Variants in SERF2 observed in about 807,000 individuals in gnomAD.
The protein encoded by SERF2 is gastric cancer-related protein VRG107.
SERF2 carries 4 observed loss-of-function variants against 10.7 expected under a neutral mutation model. The ratio of observed to expected loss-of-function variants is 0.37; its 90% CI spans 0.18 to 0.86. SERF2 has a LOEUF of 0.86. Ranked by LOEUF, SERF2 falls within the 40% of genes least tolerant of loss-of-function variation. The pLI is 0.43. For synonymous variants in SERF2, 26 were observed against 26.0 expected, an observed-to-expected ratio of 1.00 and a Z score of 0.01; for missense variants, 47 against 79.1, an observed-to-expected ratio of 0.59 and a Z score of 1.54.
In SERF2 at chr15:43,795,098, GT is replaced by G; in HGVS notation, c.*1326del. On this transcript the variant is annotated 3_prime_UTR_variant, in exon 3 of 3. Transcript: ENST00000249786. The stretch of plus-strand genomic sequence containing the variant: ...TTCTGGGTGGGGGGCCAACAGAGTG[GT>G]GCCAGTAACAGCCCCAGATAGAGGA... 1 of 1,613,936 alleles carries G rather than the reference GT, an allele frequency of 6.2e-7. No individual in the cohort carries two copies. The highest frequency in any genetic ancestry group is 1.1e-5 in the South Asian group (1 of 91,058).
intron 2 of SERF2, among the ~76,000 whole-genome samples, chr15:43,786,807 G>T (rs1039100437): frequency 6.6e-6 from 1 of 152,164 alleles, no homozygotes; most frequent in Non-Finnish European, 1.5e-5. Context: ...GACTAGAGCT[G>T]CCAGGAGCAG....
At position 43,795,079 on chromosome 15, in the gene SERF2, G is replaced by T. The variant is rs548863288; in HGVS notation, c.*1306G>T. The stretch of plus-strand genomic sequence containing the variant: ...CAAGATAAGGGGCTGGGGTTTCTGG[G>T]TGGGGGGCCAACAGAGTGGTGCCAG... On this transcript the variant is annotated 3_prime_UTR_variant, in exon 3 of 3. Coordinates refer to ENST00000249786, the MANE Select transcript of SERF2 (RefSeq NM_001018108.4). 1 of 1,613,662 alleles carries T rather than the reference G, an allele frequency of 6.2e-7. No homozygotes were observed. The highest frequency in any genetic ancestry group is 1.3e-5 in the African/African-American group (1 of 74,990).
chr15:43,792,944 C>T (rs2087103211), intron 1 of SERF2, 31 bp from the exon 2 acceptor site: 1 of 1,512,682 alleles, frequency 6.6e-7, no homozygotes, highest in South Asian at 1.2e-5. Flanking sequence ...AGAGCGGCCC[C>T]CGCGTCTCAC....
chr15:43,787,372 C>T (rs913012718), upstream of SERF2, among the ~76,000 whole-genome samples: 3 of 152,146 alleles, frequency 2.0e-5, no homozygotes, highest in Non-Finnish European at 4.4e-5. Context: ...TTCAGTACCA[C>T]TCTTGGAGTA....
chr15:43,781,723 A>G (rs996180623), intron 1 of SERF2, among the ~76,000 whole-genome samples: 1 of 149,946 alleles, frequency 6.7e-6, no homozygotes, highest in African/African-American at 2.5e-5. Context: ...TCCTGGGACT[A>G]TAGGCATGCC....
upstream of SERF2, among the ~76,000 whole-genome samples, chr15:43,789,956 C>T (rs950847979): frequency 1.3e-5 from 2 of 152,076 alleles, no homozygotes; most frequent in East Asian, 3.8e-4. Context: ...GCCTGACCAA[C>T]ATGGTTAAAG....
intron 1 of SERF2, among the ~76,000 whole-genome samples, chr15:43,778,553 A>AGG (rs1419278474): frequency 2.9e-5 from 4 of 135,676 alleles, no homozygotes; most frequent in Admixed American, 1.6e-4. Flanking sequence ...AAAGAAAAAA[A>AGG]GGCCAGGCGC....
At position 43,795,704 on chromosome 15, in the gene SERF2, T is replaced by C; in HGVS notation, c.*1931T>C. 1.2e-6 allele frequency: 2 copies of C among 1,614,140 alleles called. No homozygotes were observed. The highest frequency in any genetic ancestry group is 8.5e-7 in the Non-Finnish European group (1 of 1,179,986). ...GGCACTCACCTTTGTCTGCCTCCAC[T>C]GTTTCAGGGCAGCAGAAACACAGTG... On this transcript the variant is annotated 3_prime_UTR_variant, in exon 3 of 3. Transcript: ENST00000249786.
chr15:43,788,661 C>T (rs548701888), upstream of SERF2, among the ~76,000 whole-genome samples: 1 of 152,150 alleles, frequency 6.6e-6, no homozygotes, highest in Non-Finnish European at 1.5e-5. Context: ...GTAATCCATT[C>T]TCTACTGGTA....
At chr15:43,791,283 C>T (rs951844212), upstream of SERF2, among the ~76,000 whole-genome samples, 4 of 151,828 alleles carry the variant, frequency 2.6e-5, no homozygotes, top group Non-Finnish European at 5.9e-5. Context: ...GCACTGTCGC[C>T]TGGGCTGGAG....
chr15:43,793,717 G>A lies in SERF2; in HGVS notation c.124G>A (p.Glu42Lys). The change falls in exon 3 of 3, where the codon GAG becomes AAG. Residue 42 changes from glutamate to lysine, a missense_variant. Coordinates refer to ENST00000249786, the MANE Select transcript of SERF2 (RefSeq NM_001018108.4). ...SAAARKQRDSEIMQQKQKKAN... is the reference protein window; with the variant it reads ...SAAARKQRDSKIMQQKQKKAN... Reference sequence around the variant, plus strand: ...CATCATCTCTACCCCCAGGGACTCGGAGATCATGCAGCAGAAGCAGAAAAA... The same window carrying A: ...CATCATCTCTACCCCCAGGGACTCGAAGATCATGCAGCAGAAGCAGAAAAA... The A allele has an allele frequency of 6.2e-7, 1 of 1,614,174 alleles. No individual in the cohort carries two copies.
chr15:43,795,189 C>A lies in SERF2; in HGVS notation c.*1416C>A, dbSNP rs754369141. On this transcript the variant is annotated 3_prime_UTR_variant, in exon 3 of 3. Transcript: ENST00000249786. The stretch of plus-strand genomic sequence containing the variant: ...TGGCCCAGCTACCCTTGATGAAGGT[C>A]TTTTCCAGTTCTGCTCCCTCATAGC... 3.3e-5 allele frequency: 53 copies of A among 1,614,002 alleles called. No homozygotes were observed. Among genetic ancestry groups the A allele is most frequent in the Admixed American group, 5.0e-5 (3 of 60,004 alleles).
intron 1 of SERF2, 42 bp downstream of exon 1, chr15:43,792,425 T>C: frequency 6.2e-7 from 1 of 1,613,770 alleles, no homozygotes; most frequent in Non-Finnish European, 8.5e-7. Context: ...TTCTTTCCGT[T>C]CACCCTAAAC....
chr15:43,789,188 T>G (rs2087032804), upstream of SERF2, among the ~76,000 whole-genome samples: 1 of 149,852 alleles, frequency 6.7e-6, no homozygotes, highest in Non-Finnish European at 1.5e-5. Context: ...ATGTACCAAA[T>G]AAAAACCCAC....
At chr15:43,784,431 C>G (rs1347203535) in intron 1 of SERF2, among the ~76,000 whole-genome samples, 6 of 151,868 alleles carry the variant, frequency 4.0e-5, no homozygotes, top group African/African-American at 1.5e-4. Context: ...TCTGTGACCT[C>G]CCTCTATTTT....
Position 43,778,581 on chromosome 15 carries a change from C to CAAAAAAAAAAA in SERF2, c.-527+1103_-527+1113dup, listed in dbSNP as rs145368177. Among the ~76,000 whole-genome samples, 6 of 28,958 alleles carry CAAAAAAAAAAA rather than the reference C, an allele frequency of 2.1e-4. 1 individual carries two copies. The highest frequency in any genetic ancestry group is 3.0e-4 in the Non-Finnish European group (5 of 16,882). 19.0% of individuals were successfully genotyped at this position (28,958 alleles called of 152,430 possible). A position where few individuals can be genotyped will look rare whatever the true frequency, so the allele number is the denominator to read the frequency against. On this transcript the variant is annotated intron_variant, in intron 1 of 4. Coordinates refer to the SERF2 transcript ENST00000381359. ...CCAGGCGCGCTGGCAGATTCCATCT[C>CAAAAAAAAAAA]AAAAAAAAAAAAAAAAAAAAAAAAA...
chr15:43,783,061 G>A (rs7180818), intron 1 of SERF2, among the ~76,000 whole-genome samples: 89,370 of 144,358 alleles, frequency 0.62, 30,231 homozygotes, highest in East Asian at 0.74. Flanking sequence ...AGGCTGTAGT[G>A]CAGTGGCACA....
In SERF2 at chr15:43,795,929, CA is replaced by C. The variant is rs1457077751; in HGVS notation, c.*2157del. On this transcript the variant is annotated 3_prime_UTR_variant, in exon 3 of 3. Coordinates refer to ENST00000249786, the MANE Select transcript of SERF2 (RefSeq NM_001018108.4). ...TTAATCTTTTGTGCCTCGATTTCTC[CA>C]TTTGTAAAATGGAGCAAATACCTAC... The C allele has an allele frequency of 6.1e-6, 4 of 655,622 alleles. No homozygotes were observed. Among genetic ancestry groups the C allele is most frequent in the Non-Finnish European group, 1.0e-5 (4 of 380,990 alleles). The allele number at this position is 655,622 out of a possible 1,614,324, so 40.6% of individuals were successfully genotyped here. A position where few individuals can be genotyped will look rare whatever the true frequency, so the allele number is the denominator to read the frequency against.
upstream of SERF2, among the ~76,000 whole-genome samples, chr15:43,787,733 C>T (rs1272232465): frequency 2.0e-5 from 3 of 150,382 alleles, no homozygotes; most frequent in South Asian, 6.3e-4. Context: ...GGGTCTTGCT[C>T]TGTTGCCCAG....
Sources: allele counts gnomAD v4.1 joint callset (sites outside exome capture counted in the v4.1 genomes callset), GRCh38; gene constraint gnomAD v4.1.1; transcripts MANE v1.5; gene names NCBI Gene and HGNC (gene_info 2026-07-23, HGNC 2026-07-21).